Variants in TNRC6A observed in about 807,000 individuals in gnomAD.
TNRC6A encodes the protein trinucleotide repeat-containing gene 6A protein.
Under a neutral mutation model 221.2 loss-of-function variants are expected in TNRC6A, and 44 were observed. The ratio of observed to expected loss-of-function variants is 0.20; its 90% CI spans 0.16 to 0.26. TNRC6A has a LOEUF of 0.26. Among genes scored for constraint, TNRC6A ranks in the 10% least tolerant of loss-of-function variants. TNRC6A has a pLI of 1.00. For missense variants in TNRC6A, 2,199 were observed against 2,404.4 expected, an observed-to-expected ratio of 0.91 and a Z score of 1.79; for synonymous variants, 847 against 838.5, an observed-to-expected ratio of 1.01 and a Z score of -0.18.
At chr16:24,780,757 G>GT (rs35114560) in intron 5 of TNRC6A, among the ~76,000 whole-genome samples, 128 of 149,116 alleles carry the variant, frequency 8.6e-4, no homozygotes, top group East Asian at 3.7e-3. Flanking sequence ...GTTTGAAGTA[G>GT]TTTTTTTTTT....
At chr16:24,617,947 C>G (rs113174698) in intron 1 of TNRC6A, among the ~76,000 whole-genome samples, 58 of 152,284 alleles carry the variant, frequency 3.8e-4, no homozygotes, top group African/African-American at 1.3e-3. Flanking sequence ...ATCGCCCAGG[C>G]TGGAATGCAG....
intron 4 of TNRC6A, among the ~76,000 whole-genome samples, chr16:24,765,754 G>A (rs776612296): frequency 1.3e-5 from 2 of 152,008 alleles, no homozygotes; most frequent in Non-Finnish European, 2.9e-5. Context: ...CCACTTTCAT[G>A]GGAAATAGTT....
At chr16:24,674,981 A>G (rs888168025) in intron 2 of TNRC6A, among the ~76,000 whole-genome samples, 4 of 151,974 alleles carry the variant, frequency 2.6e-5, no homozygotes, top group African/African-American at 7.2e-5. Flanking sequence ...CTCTACAAAA[A>G]CAAAAATTTT....
At chr16:24,625,410 G>C (rs183733114) in intron 1 of TNRC6A, among the ~76,000 whole-genome samples, 2 of 152,230 alleles carry the variant, frequency 1.3e-5, no homozygotes, top group African/African-American at 2.4e-5. Context: ...TCAGGAGTTC[G>C]AGACCAGCCT....
At position 24,712,907 on chromosome 16, in the gene TNRC6A, C is replaced by CTGTG. The variant is rs61198955; in HGVS notation, n.403-37771_403-37768dup. On this transcript the variant is annotated intron_variant and non_coding_transcript_variant, in intron 2 of 2. Transcript: ENST00000566108. ...AATTTGGGGCCATAGTTATGTGCCA[C>CTGTG]TGTGTGTGTGTGTGTGTGTGTGTGT... 7.9e-3 allele frequency among the ~76,000 whole-genome samples: 996 copies of CTGTG among 126,686 alleles called. 16 individuals are homozygous for CTGTG. The highest frequency in any genetic ancestry group is 0.027 in the African/African-American group (823 of 31,040). The allele number at this position is 126,686 out of a possible 152,430, so 83.1% of individuals were successfully genotyped here.
Position 24,764,752 on chromosome 16 carries a change from C to T in TNRC6A, c.163+6392C>T, listed in dbSNP as rs1397424720. Among the ~76,000 whole-genome samples the T allele has an allele frequency of 3.3e-5, 5 of 152,282 alleles. 1 individual carries two copies. The Middle Eastern group carries it at 0.01, about 311-fold the overall frequency. The stretch of plus-strand genomic sequence containing the variant: ...TCTGATTTCATTTCCTTTGGGTATA[C>T]AGTAATCCCCCTGTATCCACAGAGA... On this transcript the variant is annotated intron_variant, in intron 4 of 24. Transcript: ENST00000395799.
At position 24,777,096 on chromosome 16, in the gene TNRC6A, ACAGCAG is replaced by A. The variant is rs1342270695; in HGVS notation, c.332_337del (p.Gln111_Gln112del). On this transcript the variant is annotated inframe_deletion, in exon 5 of 25. Coordinates refer to ENST00000395799, the MANE Select transcript of TNRC6A (RefSeq NM_014494.4). ...AGCAGCAGCCGCAGCAGCAGCAGCC[ACAGCAG>A]CAGCCACAGCCGCAGCCGCAGCAGC... 6.9e-7 allele frequency: 1 copy of A among 1,445,108 alleles called. No individual in the cohort carries two copies. Among genetic ancestry groups the A allele is most frequent in the African/African-American group, 1.4e-5 (1 of 71,818 alleles). The allele number at this position is 1,445,108 out of a possible 1,614,324, so 89.5% of individuals were successfully genotyped here.
rs1001217039 is a variant in TNRC6A, at chr16:24,824,201, G to A, written c.*394G>A. On this transcript the variant is annotated 3_prime_UTR_variant, in exon 25 of 25. Transcript: ENST00000395799. The stretch of plus-strand genomic sequence containing the variant: ...TGATAACGTATGAGCTTTTCCCTTT[G>A]CACTGAATGATGTTCTCTCCGTCTC... The A allele has an allele frequency of 7.6e-6, 1 of 131,144 alleles. No homozygotes were observed. The highest frequency in any genetic ancestry group is 1.5e-5 in the Non-Finnish European group (1 of 67,228). The allele number at this position is 131,144 out of a possible 1,614,324, so 8.1% of individuals were successfully genotyped here.
chr16:24,776,908 ACC>A (rs1376454588), intron 4 of TNRC6A, 23 bp from the exon 5 acceptor site: 1 of 1,593,826 alleles, frequency 6.3e-7, no homozygotes, highest in South Asian at 1.1e-5. Flanking sequence ...AATCTTTTCC[ACC>A]CCTTTTCTTT....
chr16:24,795,891 T>C lies in TNRC6A; in HGVS notation c.3529-16T>C, dbSNP rs890099843. On this transcript the variant is annotated splice_polypyrimidine_tract_variant and intron_variant, in intron 8 of 24. Coordinates refer to ENST00000395799, the MANE Select transcript of TNRC6A (RefSeq NM_014494.4). ...CACTGGACCATGCTGTTTTGTGACT[T>C]TGTCTTTCCTTACAGGGTCTGAGTG... The C allele has an allele frequency of 1.9e-6, 3 of 1,588,556 alleles. No individual in the cohort carries two copies. Among genetic ancestry groups the C allele is most frequent in the Admixed American group, 3.5e-5 (2 of 57,774 alleles).
intron 1 of TNRC6A, among the ~76,000 whole-genome samples, chr16:24,624,650 T>C (rs1900862892): frequency 6.6e-6 from 1 of 152,034 alleles, no homozygotes. Context: ...GGCTAATTTC[T>C]TATTATATTT....
chr16:24,810,356 A>G (rs1351233770), intron 18 of TNRC6A, among the ~76,000 whole-genome samples: 1 of 152,224 alleles, frequency 6.6e-6, no homozygotes, highest in Middle Eastern at 3.2e-3. Flanking sequence ...ACATGCTTAC[A>G]GTTGAATGTA....
Position 24,801,495 on chromosome 16 carries a change from G to A in TNRC6A, c.3695-2682G>A, listed in dbSNP as rs988368840. ...CTTTTTAAAGGGATGCAGAAGTGTT[G>A]GAGAATGGTTTGTGGAAAAAATGTA... On this transcript the variant is annotated intron_variant, in intron 11 of 24. Coordinates refer to ENST00000395799, the MANE Select transcript of TNRC6A (RefSeq NM_014494.4). 2.6e-5 allele frequency among the ~76,000 whole-genome samples: 4 copies of A among 151,596 alleles called. No individual in the cohort carries two copies. The South Asian group carries it at 6.3e-4, about 24-fold the overall frequency.
In TNRC6A at chr16:24,822,946, C is replaced by T; in HGVS notation, c.5446C>T (p.His1816Tyr). 1 of 1,614,246 alleles carries T rather than the reference C, an allele frequency of 6.2e-7. No homozygotes were observed. Among genetic ancestry groups the T allele is most frequent in the South Asian group, 1.1e-5 (1 of 91,088 alleles). ...PLITFHLNLP[H>Y]GNALVRYSSK... ...GATCACATTCCACCTGAACCTCCCT[C>T]ACGGAAATGCTCTGGTCCGCTACAG... Residue 1816 changes from histidine (H) to tyrosine (Y), a missense_variant, in exon 24 of 25, where the codon CAC becomes TAC. By Grantham distance (83) the His-to-Tyr change is moderately conservative (BLOSUM62 2). Transcript: ENST00000395799.
At chr16:24,656,480 A>AG (rs1401530598) in intron 2 of TNRC6A, among the ~76,000 whole-genome samples, 18 of 151,146 alleles carry the variant, frequency 1.2e-4, no homozygotes, top group East Asian at 5.8e-4. Context: ...AAAAAAAAAA[A>AG]AGAGAGAGAG....
intron 3 of TNRC6A, among the ~76,000 whole-genome samples, chr16:24,752,453 T>A (rs1310372809): frequency 6.6e-6 from 1 of 152,206 alleles, no homozygotes; most frequent in Non-Finnish European, 1.5e-5. Context: ...TGCCTTTTGC[T>A]TGCTCTTAGG....
In TNRC6A at chr16:24,790,413, G is replaced by A. The variant is rs779406667; in HGVS notation, c.1771G>A (p.Gly591Ser). Residue 591 changes from glycine to serine, a missense_variant, in exon 6 of 25, where the codon GGC (glycine) becomes AGC (serine). Gly to Ser is a moderately conservative substitution (Grantham distance 56, BLOSUM62 0). Transcript: ENST00000395799. ...SQSTSWGSGN[G>S]ANSGGSRRGW... ...GAGTACATCATGGGGAAGTGGAAAT[G>A]GCGCAAATTCTGGAGGAAGTCGAAG... The A allele has an allele frequency of 6.2e-7, 1 of 1,614,216 alleles. No individual in the cohort carries two copies. Among genetic ancestry groups the A allele is most frequent in the Non-Finnish European group, 8.5e-7 (1 of 1,180,036 alleles).
rs1400747991 is a variant in TNRC6A at position 24,658,664 on chromosome 16, G to GGGA, written n.402+17655_402+17656insGGA. Among the ~76,000 whole-genome samples the GGGA allele has an allele frequency of 5.3e-5, 8 of 151,488 alleles. No individual in the cohort carries two copies. In the South Asian group the frequency reaches 1.0e-3, roughly 20 times the overall value. On this transcript the variant is annotated intron_variant and non_coding_transcript_variant, in intron 2 of 2. Transcript: ENST00000566108. ...TGAGCCACAGAGCCCCACCCACCCT[G>GGGA]TTTCTAATGTTGTGTTTTTGAGCTT...
At chr16:24,748,665 TCA>T (rs952526198) in intron 2 of TNRC6A, among the ~76,000 whole-genome samples, 1 of 152,174 alleles carries the variant, frequency 6.6e-6, no homozygotes, top group Non-Finnish European at 1.5e-5. Context: ...GCATCTCCTC[TCA>T]GTCTGTTCCA....
Sources: allele counts gnomAD v4.1 joint callset (sites outside exome capture counted in the v4.1 genomes callset), GRCh38; gene constraint gnomAD v4.1.1; transcripts MANE v1.5; gene names NCBI Gene and HGNC (gene_info 2026-07-23, HGNC 2026-07-21).